The following FAM135B variants were observed in gnomAD, a reference collection of about 807,000 sequenced individuals.
FAM135B encodes protein FAM135B.
FAM135B carries 43 observed loss-of-function variants against 127.7 expected under a neutral mutation model. The observed-to-expected ratio is 0.34, with a 90% CI of 0.26 to 0.43. The LOEUF is 0.43. FAM135B is among the 20% of genes least tolerant of loss of function. The pLI is 1.00. For synonymous variants in FAM135B, 670 were observed against 665.1 expected (o/e 1.01, Z -0.11); for missense variants, 1,558 against 1,725.6 (o/e 0.90, Z 1.72).
chr8:138,186,433 C>T (rs34182390), intron 9 of FAM135B, among the ~76,000 whole-genome samples: 20,377 of 152,154 alleles, frequency 0.13, 1,376 homozygotes, highest in African/African-American at 0.15. Context: ...AAAACACCTT[C>T]CCACCCCCAC....
intron 3 of FAM135B, among the ~76,000 whole-genome samples, chr8:138,281,585 C>A (rs1401183992): frequency 2.0e-5 from 3 of 152,078 alleles, no homozygotes; most frequent in African/African-American, 7.2e-5. Context: ...TGTTCCACTC[C>A]TCCCCCTTGA....
chr8:138,183,477 T>C (rs1248940650), intron 9 of FAM135B, among the ~76,000 whole-genome samples: 1 of 152,226 alleles, frequency 6.6e-6, no homozygotes, highest in Non-Finnish European at 1.5e-5. Flanking sequence ...TACAACAGCA[T>C]GCTCACAGGT....
rs553796399 is a variant in FAM135B, at chr8:138,205,776, C to T, written c.670-8107G>A. Among the ~76,000 whole-genome samples the T allele has an allele frequency of 2.0e-5, 3 of 151,950 alleles. 1 individual carries two copies. In the South Asian group the frequency reaches 6.3e-4, roughly 32 times the overall value. On this transcript the variant is annotated intron_variant, in intron 7 of 19. Coordinates refer to ENST00000395297, the MANE Select transcript of FAM135B (RefSeq NM_015912.4). Reference sequence around the variant, plus strand: ...GAGTCAAAGGTACCAATGTTGTCTCCTCATTGACATTCCACAGAGTGTATC... The same window carrying T: ...GAGTCAAAGGTACCAATGTTGTCTCTTCATTGACATTCCACAGAGTGTATC...
At chr8:138,480,755 AG>A (rs1371321365) in intron 1 of FAM135B, among the ~76,000 whole-genome samples, 1 of 152,226 alleles carries the variant, frequency 6.6e-6, no homozygotes, top group African/African-American at 2.4e-5. Context: ...ATTGCTCTGC[AG>A]GACTGTGAGT....
chr8:138,325,695 G>C (rs888696864), intron 2 of FAM135B, among the ~76,000 whole-genome samples: 1 of 152,256 alleles, frequency 6.6e-6, no homozygotes, highest in Admixed American at 6.5e-5. Context: ...GAACAGAATG[G>C]CTATAACTTC....
chr8:138,134,934 A>T (rs1816509603), intron 19 of FAM135B, among the ~76,000 whole-genome samples: 1 of 152,180 alleles, frequency 6.6e-6, no homozygotes, highest in Non-Finnish European at 1.5e-5. Context: ...GTGAATATCA[A>T]ATAAGATAAG....
intron 2 of FAM135B, among the ~76,000 whole-genome samples, chr8:138,341,782 A>T (rs1829065069): frequency 6.6e-6 from 1 of 152,128 alleles, no homozygotes; most frequent in South Asian, 2.1e-4. Context: ...TCCCAAAAGC[A>T]TAAAGACAAA....
At chr8:138,223,076 G>C (rs746922840) in intron 7 of FAM135B, among the ~76,000 whole-genome samples, 9 of 152,200 alleles carry the variant, frequency 5.9e-5, no homozygotes, top group Non-Finnish European at 1.0e-4. Context: ...CTGGTCTTCT[G>C]TAGCTTCTCT....
At chr8:138,294,248 G>A (rs1211415591) in intron 3 of FAM135B, among the ~76,000 whole-genome samples, 2 of 152,068 alleles carry the variant, frequency 1.3e-5, no homozygotes, top group Admixed American at 1.3e-4. Context: ...AGAAAGAGGA[G>A]AGTGGAAGGG....
rs774190593 is a variant in FAM135B at position 138,151,675 on chromosome 8, C to G, written c.2800G>C (p.Val934Leu). Residue 934 changes from valine (V) to leucine (L), a missense_variant, in exon 13 of 20, where the codon GTG becomes CTG. Physicochemically the swap from Val to Leu is conservative, Grantham distance 32. Coordinates refer to ENST00000395297, the MANE Select transcript of FAM135B (RefSeq NM_015912.4). ...GCTGACGTACAGCTCAATTCAGGCA[C>G]CTGATGTTGAGAGAGACCCTCAACC... is the stretch of plus-strand genomic sequence containing the variant. ...SEVEGLSQHQ[V>L]PELSCTSAAD... is the part of the protein sequence containing the mutation. 6.2e-7 allele frequency: 1 copy of G among 1,614,104 alleles called. No individual in the cohort carries two copies. Among genetic ancestry groups the G allele is most frequent in the Admixed American group, 1.7e-5 (1 of 60,026 alleles).
chr8:138,466,068 G>T (rs986976261), intron 1 of FAM135B, among the ~76,000 whole-genome samples: 6 of 152,176 alleles, frequency 3.9e-5, no homozygotes, highest in African/African-American at 1.4e-4. Context: ...GAGCCACTGC[G>T]CCTGGTCTCA....
Position 138,141,361 on chromosome 8 carries a change from C to G in FAM135B, c.3639-12G>C, listed in dbSNP as rs2130600290. ...AATGGCCAATGAAGCTGTGGAGAAA[C>G]AGAAGGGGTACCCATGAGTGTGACG... On this transcript the variant is annotated splice_polypyrimidine_tract_variant and intron_variant, in intron 16 of 19. Transcript: ENST00000395297. The surrounding 1 kb of genome is among the most constrained non-coding windows in gnomAD (Gnocchi z 4.7). The G allele has an allele frequency of 6.2e-7, 1 of 1,613,932 alleles. No individual in the cohort carries two copies. The highest frequency in any genetic ancestry group is 1.1e-5 in the South Asian group (1 of 91,062).
chr8:138,137,094 A>C (rs932717496), intron 19 of FAM135B, 53 bp downstream of exon 19: 1 of 920,386 alleles, frequency 1.1e-6, no homozygotes, highest in African/African-American at 1.6e-5. Flanking sequence ...CCATGAATTT[A>C]CTTTTGCTTT....
At chr8:138,324,040 A>C (rs1358517834) in intron 2 of FAM135B, among the ~76,000 whole-genome samples, 6 of 152,214 alleles carry the variant, frequency 3.9e-5, no homozygotes, top group Non-Finnish European at 7.3e-5. Context: ...CTCTGTGCAC[A>C]TATCTGTCCA....
Position 138,151,174 on chromosome 8 carries a change from A to G in FAM135B, c.3281+20T>C, listed in dbSNP as rs2130719131. ...TCTAAAAGACTGTTGTGGGAAAGGT[A>G]AGCCCGTCAGCCAGCTTACCTAAAC... On this transcript the variant is annotated intron_variant, in intron 13 of 19. Coordinates refer to ENST00000395297, the MANE Select transcript of FAM135B (RefSeq NM_015912.4). 6.7e-7 allele frequency: 1 copy of G among 1,498,538 alleles called. No individual in the cohort carries two copies. Among genetic ancestry groups the G allele is most frequent in the South Asian group, 1.4e-5 (1 of 72,230 alleles). 92.8% of individuals were successfully genotyped at this position (1,498,538 alleles called of 1,614,324 possible).
At chr8:138,454,754 C>T (rs1003606559) in intron 1 of FAM135B, among the ~76,000 whole-genome samples, 8 of 152,276 alleles carry the variant, frequency 5.3e-5, no homozygotes, top group African/African-American at 1.2e-4. Context: ...AACTTATAAT[C>T]GGAAGGAATG....
chr8:138,271,712 A>T (rs890603121), intron 3 of FAM135B, among the ~76,000 whole-genome samples: 2 of 152,218 alleles, frequency 1.3e-5, no homozygotes, highest in Non-Finnish European at 2.9e-5. Context: ...AAATTATGTA[A>T]AACAAACTGA....
Position 138,309,069 on chromosome 8 carries a change from C to A in FAM135B, c.157+1772G>T, listed in dbSNP as rs10097940. The A allele has an allele frequency of 9.2e-3, 4,004 of 433,420 alleles. 126 individuals carry two copies. The highest frequency in any genetic ancestry group is 0.071 in the African/African-American group (3,463 of 48,590). 26.8% of individuals were successfully genotyped at this position (433,420 alleles called of 1,614,324 possible). On this transcript the variant is annotated intron_variant, in intron 3 of 19. Coordinates refer to ENST00000395297, the MANE Select transcript of FAM135B (RefSeq NM_015912.4). ...AAAGTGTCCTTTTTATTTATAATTT[C>A]TAAGACAAATATCTATGAAGAATGC...
At chr8:138,182,571 C>G (rs1490042337) in intron 9 of FAM135B, among the ~76,000 whole-genome samples, 1 of 152,198 alleles carries the variant, frequency 6.6e-6, no homozygotes, top group Non-Finnish European at 1.5e-5. Context: ...TAAATGCATA[C>G]AGTCCAGGAA....
Sources: allele counts gnomAD v4.1 joint callset (sites outside exome capture counted in the v4.1 genomes callset), GRCh38; gene constraint gnomAD v4.1.1; non-coding constraint Gnocchi (gnomAD v3.1); transcripts MANE v1.5; gene names NCBI Gene and HGNC (gene_info 2026-07-23, HGNC 2026-07-21).